Variants in SLC25A26 observed in about 807,000 individuals in gnomAD.
SLC25A26 encodes solute carrier family 25 member 26, also known as mitochondrial S-adenosylmethionine carrier protein.
A neutral mutation model predicts 37.8 loss-of-function variants in SLC25A26; 36 were observed. The observed-to-expected ratio is 0.95, with a 90% CI of 0.73 to 1.26. SLC25A26 has a LOEUF of 1.26. SLC25A26 is among the 50% of genes most tolerant of loss of function. The pLI is 0.00. For missense variants in SLC25A26, 390 were observed against 331.1 expected (o/e 1.18, Z -1.38); for synonymous variants, 129 against 122.5 (o/e 1.05, Z -0.35).
intron 1 of SLC25A26, among the ~76,000 whole-genome samples, chr3:66,152,800 A>G: frequency 6.6e-6 from 1 of 152,318 alleles, no homozygotes; most frequent in South Asian, 2.1e-4. Context: ...CAGGTGCTCA[A>G]GTAATCCCAT....
intron 1 of SLC25A26, among the ~76,000 whole-genome samples, chr3:66,139,987 C>T (rs1184582473): frequency 2.0e-5 from 3 of 152,150 alleles, no homozygotes; most frequent in Admixed American, 6.5e-5. Context: ...AAACCTCATT[C>T]GTTTAAGCAC....
chr3:66,279,931 C>T (rs1289707237), intron 5 of SLC25A26, among the ~76,000 whole-genome samples: 3 of 152,166 alleles, frequency 2.0e-5, no homozygotes, highest in Non-Finnish European at 4.4e-5. Context: ...TTATCCTTCA[C>T]AGGGTAAATG....
intron 1 of SLC25A26, among the ~76,000 whole-genome samples, chr3:66,175,140 T>TATACACACACAC (rs1413714739): frequency 1.5e-5 from 1 of 67,010 alleles, no homozygotes; most frequent in African/African-American, 6.4e-5. Flanking sequence ...TATATATATA[T>TATACACACACAC]ACACACACAC....
intron 5 of SLC25A26, among the ~76,000 whole-genome samples, chr3:66,284,528 G>T (rs707010): frequency 0.61 from 92,441 of 152,058 alleles, 29,472 homozygotes; most frequent in African/African-American, 0.78. Flanking sequence ...GCAACAATAT[G>T]CATATCAATA....
chr3:66,243,033 C>T (rs538698849), intron 2 of SLC25A26, among the ~76,000 whole-genome samples, 170 bp from the exon 3 acceptor site: 25 of 152,252 alleles, frequency 1.6e-4, no homozygotes, highest in African/African-American at 5.1e-4. Flanking sequence ...TATACCATGG[C>T]GTCAGTAAAC....
chr3:66,317,155 A>G (rs1405149432), intron 5 of SLC25A26, among the ~76,000 whole-genome samples: 1 of 152,046 alleles, frequency 6.6e-6, no homozygotes, highest in Non-Finnish European at 1.5e-5. Context: ...TGCTGGAGAC[A>G]TGCTGTGATT....
chr3:66,372,026 G>A lies in SLC25A26; in HGVS notation c.707+1424G>A, dbSNP rs114031830. 2.7e-3 allele frequency among the ~76,000 whole-genome samples: 416 copies of A among 152,292 alleles called. 3 individuals carry two copies. The highest frequency in any genetic ancestry group is 9.6e-3 in the African/African-American group (397 of 41,554). On this transcript the variant is annotated intron_variant, in intron 9 of 9. Transcript: ENST00000354883. ...AGCAATCGCTTGAGCCCGGGAAGTC[G>A]AGGTTATAGTGAGTTACAACTGTGC...
Position 66,263,390 on chromosome 3 carries a change from T to TA in SLC25A26, c.453+12dup, listed in dbSNP as rs1236128866. 6 of 1,574,316 alleles carry TA rather than the reference T, an allele frequency of 3.8e-6. No homozygotes were observed. The African/African-American group carries it at 8.1e-5, about 21-fold the overall frequency. ...ACAGTTTTAAGAGAGGTAAGTCACT[T>TA]ACTTTCCAATATTGAAGTACGAAAG... On this transcript the variant is annotated intron_variant, in intron 5 of 9. Coordinates refer to ENST00000354883, the MANE Select transcript of SLC25A26 (RefSeq NM_001379210.1).
At chr3:66,313,917 T>G (rs969773772) in intron 5 of SLC25A26, among the ~76,000 whole-genome samples, 3 of 152,198 alleles carry the variant, frequency 2.0e-5, no homozygotes, top group African/African-American at 7.2e-5. Context: ...TTTGGCTCTC[T>G]GCTTGCCTGT....
intron 2 of SLC25A26, among the ~76,000 whole-genome samples, chr3:66,242,414 G>C (rs1210553273): frequency 1.3e-5 from 2 of 152,154 alleles, no homozygotes; most frequent in African/African-American, 4.8e-5. Flanking sequence ...ATATTTGTTA[G>C]CACGTGAAGA....
At chr3:66,224,401 T>A (rs2071641960) in intron 1 of SLC25A26, among the ~76,000 whole-genome samples, 1 of 152,182 alleles carries the variant, frequency 6.6e-6, no homozygotes, top group Non-Finnish European at 1.5e-5. Flanking sequence ...CAAGAGAGCA[T>A]GTGCTGCAGG....
intron 5 of SLC25A26, among the ~76,000 whole-genome samples, chr3:66,309,198 T>A (rs1022181112): frequency 4.6e-5 from 7 of 152,348 alleles, no homozygotes; most frequent in Non-Finnish European, 1.0e-4. Flanking sequence ...GAACTTGTTA[T>A]TGGACTATTC....
chr3:66,336,918 T>C (rs767464565), intron 5 of SLC25A26, among the ~76,000 whole-genome samples: 60 of 152,190 alleles, frequency 3.9e-4, no homozygotes, highest in Non-Finnish European at 7.4e-4. Flanking sequence ...TTGTTCCTTT[T>C]TAAAACTTTA....
intron 5 of SLC25A26, chr3:66,293,231 A>G (rs1177080109): frequency 6.6e-6 from 1 of 152,148 alleles, no homozygotes; most frequent in Non-Finnish European, 1.5e-5. Context: ...GGAAAGCGTT[A>G]TTTTTAAAAA....
chr3:66,286,351 A>G (rs1024776824), intron 5 of SLC25A26, among the ~76,000 whole-genome samples: 4 of 152,110 alleles, frequency 2.6e-5, no homozygotes, highest in African/African-American at 7.2e-5. Flanking sequence ...TCTATAATCC[A>G]TTTTGAGTTG....
At chr3:66,250,509 G>A (rs899698161) in intron 3 of SLC25A26, among the ~76,000 whole-genome samples, 1 of 152,228 alleles carries the variant, frequency 6.6e-6, no homozygotes, top group African/African-American at 2.4e-5. Flanking sequence ...CTAGTGATAG[G>A]TGATAAGATG....
chr3:66,353,426 T>C (rs2076505438), intron 6 of SLC25A26, among the ~76,000 whole-genome samples: 1 of 152,222 alleles, frequency 6.6e-6, no homozygotes, highest in South Asian at 2.1e-4. Context: ...CCCAAGGCCA[T>C]GGGAGTACTA....
chr3:66,354,476 ATCTC>A (rs2076530200), intron 6 of SLC25A26, among the ~76,000 whole-genome samples: 1 of 152,172 alleles, frequency 6.6e-6, no homozygotes, highest in African/African-American at 2.4e-5. Flanking sequence ...AATTACTTAG[ATCTC>A]TCTTTTATGT....
At chr3:66,236,177 G>T (rs1366696330) in intron 1 of SLC25A26, among the ~76,000 whole-genome samples, 8 of 137,080 alleles carry the variant, frequency 5.8e-5, no homozygotes, top group African/African-American at 1.7e-4. Flanking sequence ...CTCCCATACT[G>T]CTGGGAGGCA....
Sources: gnomAD v4.1 joint callset for allele counts (sites outside exome capture counted in the v4.1 genomes callset) on GRCh38, gnomAD v4.1.1 for gene constraint, MANE v1.5 for transcripts, NCBI Gene and HGNC (gene_info 2026-07-23, HGNC 2026-07-21) for gene names.